Variants in MBD5 observed in about 807,000 individuals in gnomAD.
MBD5 encodes the protein methyl-CpG-binding domain protein 5.
Under a neutral mutation model 117.3 loss-of-function variants are expected in MBD5, and 13 were observed. The observed-to-expected ratio is 0.11, with a 90% CI of 0.07 to 0.18. The LOEUF (loss-of-function observed/expected upper bound fraction) is 0.18. Among genes scored for constraint, MBD5 ranks in the 10% least tolerant of loss-of-function variants. The probability of loss-of-function intolerance (pLI) is 1.00; values close to 1 mark genes in which losing one functional copy is unlikely to be tolerated. For synonymous variants in MBD5, 727 were observed against 766.4 expected (o/e 0.95, Z 0.85); for missense variants, 1,879 against 2,093.8 (o/e 0.90, Z 2.00).
intron 2 of MBD5, among the ~76,000 whole-genome samples, chr2:148,212,232 A>G (rs542683242): frequency 1.9e-4 from 29 of 152,006 alleles, no homozygotes; most frequent in African/African-American, 6.8e-4. Flanking sequence ...TCCATTTCCT[A>G]CTCTATTTCC....
intron 3 of MBD5, among the ~76,000 whole-genome samples, chr2:148,266,728 A>G (rs1182159719): frequency 6.6e-6 from 1 of 152,154 alleles, no homozygotes; most frequent in Admixed American, 6.5e-5. Flanking sequence ...ACCAGTAATA[A>G]TAACAAAAAC....
intron 3 of MBD5, among the ~76,000 whole-genome samples, chr2:148,247,209 C>T (rs1454406542): frequency 6.6e-6 from 1 of 152,128 alleles, no homozygotes; most frequent in Non-Finnish European, 1.5e-5. Context: ...ACTTTTTATT[C>T]AGTTTGTTTC....
intron 4 of MBD5, among the ~76,000 whole-genome samples, chr2:148,452,971 G>A (rs2105494881): frequency 6.6e-6 from 1 of 152,256 alleles, no homozygotes; most frequent in Admixed American, 6.5e-5. Context: ...TAAAAAATCA[G>A]AATGTAAAAT....
chr2:148,297,891 C>T (rs1469546776), intron 3 of MBD5, among the ~76,000 whole-genome samples: 1 of 152,202 alleles, frequency 6.6e-6, no homozygotes, highest in African/African-American at 2.4e-5. Flanking sequence ...AAAGTCAGTT[C>T]TCTTGGGGAG....
In MBD5 at chr2:148,189,106, A is replaced by G. The variant is rs986417179; in HGVS notation, c.-831+10313A>G. Among the ~76,000 whole-genome samples, 11 of 143,916 alleles carry G rather than the reference A, an allele frequency of 7.6e-5. 1 individual carries two copies. Among genetic ancestry groups the G allele is most frequent in the African/African-American group, 2.9e-4 (11 of 37,844 alleles). The allele number at this position is 143,916 out of a possible 152,430, so 94.4% of individuals were successfully genotyped here. A position where few individuals can be genotyped will look rare whatever the true frequency, so the allele number is the denominator to read the frequency against. ...TCCCACACCTGGCTCAGAGGGTCCTACGCCCACGGAATCTCGCTGATTGCT... is the reference window on the plus strand; with the variant it reads ...TCCCACACCTGGCTCAGAGGGTCCTGCGCCCACGGAATCTCGCTGATTGCT... On this transcript the variant is annotated intron_variant, in intron 2 of 13. Transcript: ENST00000642680.
In MBD5 at chr2:148,463,025, T is replaced by G. The variant is rs548606888; in HGVS notation, c.216+341T>G. Among the ~76,000 whole-genome samples, 8 of 152,292 alleles carry G rather than the reference T, an allele frequency of 5.3e-5. 1 individual carries two copies. In the South Asian group the frequency reaches 1.7e-3, roughly 32 times the overall value. Reference sequence around the variant, plus strand: ...TAACTGCTCAAATCTGCAATGTTATTGTTAGCACTGGTATTGATAAATCTG... The same window carrying G: ...TAACTGCTCAAATCTGCAATGTTATGGTTAGCACTGGTATTGATAAATCTG... On this transcript the variant is annotated intron_variant, in intron 6 of 13. Transcript: ENST00000642680.
chr2:148,109,742 C>A (rs1429915552), intron 1 of MBD5, among the ~76,000 whole-genome samples: 8 of 152,092 alleles, frequency 5.3e-5, no homozygotes, highest in African/African-American at 2.4e-5. Flanking sequence ...AGTAACACCT[C>A]TTGGGAAAGT....
chr2:148,358,157 T>C (rs554684607), intron 4 of MBD5, among the ~76,000 whole-genome samples: 2 of 152,334 alleles, frequency 1.3e-5, no homozygotes, highest in East Asian at 3.9e-4. Flanking sequence ...AGTAAAAACA[T>C]GCGTGGTCTA....
intron 4 of MBD5, among the ~76,000 whole-genome samples, chr2:148,354,464 C>T (rs957428577): frequency 1.2e-4 from 18 of 152,186 alleles, no homozygotes; most frequent in Non-Finnish European, 2.6e-4. Flanking sequence ...TTTATGGCTG[C>T]ATAGTATTCC....
intron 4 of MBD5, among the ~76,000 whole-genome samples, chr2:148,440,751 C>T (rs1056810612): frequency 6.6e-6 from 1 of 152,164 alleles, no homozygotes; most frequent in Admixed American, 6.5e-5. Context: ...AGTGCCGTAA[C>T]ATACATGTAA....
chr2:148,326,811 T>A (rs906623560), intron 3 of MBD5, among the ~76,000 whole-genome samples: 1 of 151,906 alleles, frequency 6.6e-6, no homozygotes, highest in African/African-American at 2.4e-5. Context: ...CTGTGTCTTT[T>A]AATTGGAGCA....
chr2:148,286,754 C>G (rs1701377791), intron 3 of MBD5, among the ~76,000 whole-genome samples: 2 of 151,952 alleles, frequency 1.3e-5, no homozygotes, highest in African/African-American at 4.8e-5. Flanking sequence ...TAATTGCAGC[C>G]AGGACAAGGA....
intron 1 of MBD5, among the ~76,000 whole-genome samples, chr2:148,102,725 CACACAGAGAGAG>C (rs1156928732): frequency 5.8e-5 from 4 of 69,036 alleles, no homozygotes; most frequent in African/African-American, 2.0e-4. Flanking sequence ...CACACACACA[CACACAGAGAGAG>C]AGAGAGAGAG....
chr2:148,043,196 C>A (rs1694414178), intron 1 of MBD5, among the ~76,000 whole-genome samples: 1 of 151,518 alleles, frequency 6.6e-6, no homozygotes, highest in African/African-American at 2.4e-5. Context: ...GAGGCCAAGG[C>A]AGGTGGATCA....
chr2:148,088,674 T>C (rs1354500773), intron 1 of MBD5, among the ~76,000 whole-genome samples: 1 of 152,156 alleles, frequency 6.6e-6, no homozygotes, highest in Non-Finnish European at 1.5e-5. Flanking sequence ...AATTTTTCAC[T>C]ACCAAGTGAA....
At position 148,515,703 on chromosome 2, in the gene MBD5, A is replaced by C. The variant is rs1295774560; in HGVS notation, c.*2762A>C. On this transcript the variant is annotated 3_prime_UTR_variant, in exon 14 of 14. Transcript: ENST00000642680. ...AATCCAAGAATGGAAACAGATGAAA[A>C]ATTTTTTCTTCTTTAAAGAACATAA... 1 of 152,150 alleles carries C rather than the reference A, an allele frequency of 6.6e-6. No homozygotes were observed. The allele number at this position is 152,150 out of a possible 1,614,324, so 9.4% of individuals were successfully genotyped here.
chr2:148,384,659 T>C (rs1172790550), intron 4 of MBD5, among the ~76,000 whole-genome samples: 1 of 151,890 alleles, frequency 6.6e-6, no homozygotes, highest in Non-Finnish European at 1.5e-5. Context: ...GCCAAGTCAA[T>C]CCTAAGCCAA....
At chr2:148,419,842 C>A (rs573978296) in intron 4 of MBD5, among the ~76,000 whole-genome samples, 1 of 152,048 alleles carries the variant, frequency 6.6e-6, no homozygotes, top group South Asian at 2.1e-4. Flanking sequence ...TTAATCATAC[C>A]CCATATAAGA....
chr2:148,212,322 G>T (rs1465102134), intron 2 of MBD5, among the ~76,000 whole-genome samples: 2 of 152,074 alleles, frequency 1.3e-5, no homozygotes, highest in African/African-American at 2.4e-5. Context: ...CATTTAAGTG[G>T]AATCATACAA....
Sources: gnomAD v4.1 joint callset for allele counts (sites outside exome capture counted in the v4.1 genomes callset) on GRCh38, gnomAD v4.1.1 for gene constraint, MANE v1.5 for transcripts, NCBI Gene and HGNC (gene_info 2026-07-23, HGNC 2026-07-21) for gene names.